Variants in AGPS observed in about 807,000 individuals in gnomAD.
The protein encoded by AGPS is alkyldihydroxyacetonephosphate synthase, peroxisomal.
In AGPS, 26 loss-of-function variants were observed where a neutral mutation model predicts 90.7. The ratio of observed to expected loss-of-function variants is 0.29; its 90% CI spans 0.21 to 0.40. AGPS has a LOEUF of 0.40. Ranked by LOEUF, AGPS falls within the 10% of genes least tolerant of loss-of-function variation. AGPS has a pLI of 1.00. For synonymous variants in AGPS, 294 were observed against 285.3 expected (o/e 1.03, Z -0.31); for missense variants, 540 against 816.1 (o/e 0.66, Z 4.12).
intron 6 of AGPS, chr2:177,441,308 A>C: frequency 2.6e-6 from 1 of 383,326 alleles, no homozygotes; most frequent in Non-Finnish European, 4.7e-6. Flanking sequence ...TTTCTGCTTT[A>C]GTAATTACTT....
intron 19 of AGPS, among the ~76,000 whole-genome samples, chr2:177,527,204 G>A (rs1292073470): frequency 6.6e-6 from 1 of 152,124 alleles, no homozygotes; most frequent in Non-Finnish European, 1.5e-5. Context: ...TAGGCGGGTG[G>A]ATTGCTTAAG....
In AGPS at chr2:177,477,893, G is replaced by C. The variant is rs183060269; in HGVS notation, c.1106-4166G>C. Among the ~76,000 whole-genome samples, 5 of 152,258 alleles carry C rather than the reference G, an allele frequency of 3.3e-5. No individual in the cohort carries two copies. The East Asian group carries it at 9.6e-4, about 29-fold the overall frequency. On this transcript the variant is annotated intron_variant, in intron 10 of 19. Coordinates refer to ENST00000264167, the MANE Select transcript of AGPS (RefSeq NM_003659.4). ...TATACCAATGCTTTTTAAATCAGAT[G>C]TGAGAAGAAAGGAGAAGAAATATGC...
At position 177,434,129 on chromosome 2, in the gene AGPS, T is replaced by G. The variant is rs111382938; in HGVS notation, c.351-198T>G. Among the ~76,000 whole-genome samples, 907 of 152,322 alleles carry G rather than the reference T, an allele frequency of 6.0e-3. 10 individuals carry two copies. Among genetic ancestry groups the G allele is most frequent in the African/African-American group, 0.019 (776 of 41,562 alleles). ...AGTGTAGCACACCCTTCTCCCCTAT[T>G]TTTGACTGCTTTTGGTCTGTCTATA... On this transcript the variant is annotated intron_variant, in intron 2 of 19. Coordinates refer to ENST00000264167, the MANE Select transcript of AGPS (RefSeq NM_003659.4).
At chr2:177,516,275 A>T (rs1037839158) in intron 17 of AGPS, among the ~76,000 whole-genome samples, 3 of 152,176 alleles carry the variant, frequency 2.0e-5, no homozygotes, top group Non-Finnish European at 4.4e-5. Context: ...TACTTTGTAC[A>T]TTGGAATAGA....
intron 10 of AGPS, among the ~76,000 whole-genome samples, chr2:177,477,464 G>A (rs1343196409): frequency 6.6e-6 from 1 of 152,048 alleles, no homozygotes; most frequent in African/African-American, 2.4e-5. Flanking sequence ...AATCCAAAAT[G>A]CTCCAAAATT....
rs950863634 is a variant in AGPS at position 177,542,802 on chromosome 2, C to G, written c.*4607C>G. ...TTTCTATAAGTAGTTATTTTTTGAG[C>G]TACTTATACTATATCCCCAAAAGCT... On this transcript the variant is annotated 3_prime_UTR_variant, in exon 20 of 20. Transcript: ENST00000264167. 1.3e-5 allele frequency: 2 copies of G among 151,988 alleles called. No individual in the cohort carries two copies. Among genetic ancestry groups the G allele is most frequent in the Non-Finnish European group, 1.5e-5 (1 of 67,982 alleles). The allele number at this position is 151,988 out of a possible 1,614,324, so 9.4% of individuals were successfully genotyped here. A position where few individuals can be genotyped will look rare whatever the true frequency, so the allele number is the denominator to read the frequency against.
Position 177,520,052 on chromosome 2 carries a change from T to TAGCA in AGPS, c.1698-1216_1698-1213dup, listed in dbSNP as rs1160838440. Among the ~76,000 whole-genome samples the TAGCA allele has an allele frequency of 2.0e-5, 3 of 152,320 alleles. No homozygotes were observed. The East Asian group carries it at 5.8e-4, about 29-fold the overall frequency. Reference sequence around the variant, plus strand: ...CATGGCACTGGTGGGAGTGTAGGTGTAGCAGTGAGGATGACCAGAGGTCAC... The same window carrying TAGCA: ...CATGGCACTGGTGGGAGTGTAGGTGTAGCAAGCAGTGAGGATGACCAGAGGTCAC... On this transcript the variant is annotated intron_variant, in intron 17 of 19. Coordinates refer to ENST00000264167, the MANE Select transcript of AGPS (RefSeq NM_003659.4).
intron 16 of AGPS, among the ~76,000 whole-genome samples, chr2:177,509,372 A>G (rs767483178): frequency 4.5e-4 from 69 of 152,228 alleles, no homozygotes; most frequent in Non-Finnish European, 7.5e-4. Flanking sequence ...AGTAGTAGAA[A>G]TAGTTTGGCA....
At chr2:177,528,015 A>G (rs1005687964) in intron 19 of AGPS, among the ~76,000 whole-genome samples, 53 of 152,350 alleles carry the variant, frequency 3.5e-4, no homozygotes, top group Middle Eastern at 3.4e-3. Flanking sequence ...TAAAATGAAG[A>G]TGCTTTCCCT....
At chr2:177,422,980 A>G (rs1336601801) in intron 2 of AGPS, among the ~76,000 whole-genome samples, 1 of 18,224 alleles carries the variant, frequency 5.5e-5, no homozygotes, top group East Asian at 1.1e-3. Context: ...AGGATGAGGA[A>G]AGTTAAGTAG....
At chr2:177,496,612 G>T (rs960028067) in intron 12 of AGPS, among the ~76,000 whole-genome samples, 5 of 152,020 alleles carry the variant, frequency 3.3e-5, no homozygotes, top group African/African-American at 9.7e-5. Flanking sequence ...AATGCCTCAG[G>T]TATAGCATAG....
At chr2:177,422,931 C>T (rs186190065) in intron 2 of AGPS, among the ~76,000 whole-genome samples, 786 of 16,718 alleles carry the variant, frequency 0.047, 321 homozygotes, top group Non-Finnish European at 0.11. Flanking sequence ...CTTACAATAA[C>T]CCTATCAGAT....
rs1332577384 is a variant in AGPS at position 177,434,381 on chromosome 2, C to A, written c.405C>A (p.Thr135=). The A allele has an allele frequency of 6.8e-6, 11 of 1,612,610 alleles. No individual in the cohort carries two copies. Among genetic ancestry groups the A allele is most frequent in the African/African-American group, 1.3e-5 (1 of 74,830 alleles). The change falls in exon 3 of 20, where the codon ACC becomes ACA. Residue 135 remains threonine, a synonymous_variant. Transcript: ENST00000264167. The stretch of plus-strand genomic sequence containing the variant: ...CATTTAAAGAATGGATCCAAAATAC[C>A]CTTGGAGTAAATGTGGAGCATAAAA... The part of the protein sequence containing the change: ...LPTFKEWIQN[T]LGVNVEHKTT...
intron 10 of AGPS, among the ~76,000 whole-genome samples, chr2:177,476,019 AT>A (rs1687772651): frequency 6.6e-6 from 1 of 151,858 alleles, no homozygotes; most frequent in African/African-American, 2.4e-5. Flanking sequence ...TACTAGTAAT[AT>A]CCCCTATTTT....
At chr2:177,439,028 T>A (rs549465765) in intron 5 of AGPS, among the ~76,000 whole-genome samples, 28 of 152,268 alleles carry the variant, frequency 1.8e-4, no homozygotes, top group African/African-American at 5.8e-4. Context: ...TGTAGTTGTC[T>A]TTAAGTCTGG....
intron 8 of AGPS, among the ~76,000 whole-genome samples, chr2:177,447,239 A>G (rs930645363): frequency 6.6e-6 from 1 of 152,178 alleles, no homozygotes; most frequent in South Asian, 2.1e-4. Context: ...CCATTTCTGG[A>G]TGATAGGCTT....
intron 7 of AGPS, 92 bp from the exon 8 acceptor site, chr2:177,445,454 T>G: frequency 8.9e-7 from 1 of 1,120,368 alleles, no homozygotes; most frequent in Non-Finnish European, 1.3e-6. Context: ...AATCACTGTC[T>G]TACCACTTGT....
At chr2:177,394,415 C>T (rs181377918) in intron 1 of AGPS, among the ~76,000 whole-genome samples, 24 of 152,248 alleles carry the variant, frequency 1.6e-4, no homozygotes, top group African/African-American at 5.3e-4. Flanking sequence ...TCTTGGCATA[C>T]AAACAGTATG....
rs192646021 is a variant in AGPS, at chr2:177,480,459, C to T, written c.1106-1600C>T. On this transcript the variant is annotated intron_variant, in intron 10 of 19. Transcript: ENST00000264167. Reference sequence around the variant, plus strand: ...GGATGAAGCTAGAAACCATCATTCTCAGCAAACTATGGCAAGGACAAAAAA... The same window carrying T: ...GGATGAAGCTAGAAACCATCATTCTTAGCAAACTATGGCAAGGACAAAAAA... Among the ~76,000 whole-genome samples, 26 of 152,240 alleles carry T rather than the reference C, an allele frequency of 1.7e-4. No individual in the cohort carries two copies. The East Asian group carries it at 5.0e-3, about 29-fold the overall frequency.
Sources: gnomAD v4.1 joint callset for allele counts (sites outside exome capture counted in the v4.1 genomes callset) on GRCh38, gnomAD v4.1.1 for gene constraint, MANE v1.5 for transcripts, NCBI Gene and HGNC (gene_info 2026-07-23, HGNC 2026-07-21) for gene names.